Variants in FOCAD observed in about 807,000 individuals in gnomAD.
FOCAD encodes the protein KIAA1797.
Under a neutral mutation model 225.6 loss-of-function variants are expected in FOCAD, and 198 were observed. The observed-to-expected ratio is 0.88, with a 90% CI of 0.78 to 0.99. The LOEUF (loss-of-function observed/expected upper bound fraction) is 0.99, where lower values mean the gene tolerates loss of function less well. Among genes scored for constraint, FOCAD ranks in the 50% least tolerant of loss-of-function variants. The probability of loss-of-function intolerance (pLI) is 0.00; values close to 1 mark genes in which losing one functional copy is unlikely to be tolerated. For missense variants in FOCAD, 2,713 were observed against 2,123.6 expected, an observed-to-expected ratio of 1.28 and a Z score of -5.46; for synonymous variants, 897 against 755.0, an observed-to-expected ratio of 1.19 and a Z score of -3.08.
At chr9:20,776,071 G>A (rs1818725678) in intron 8 of FOCAD, among the ~76,000 whole-genome samples, 2 of 152,182 alleles carry the variant, frequency 1.3e-5, no homozygotes, top group African/African-American at 4.8e-5. Flanking sequence ...GACAAAAGGA[G>A]TGAAGTATGG....
chr9:20,981,293 T>C (rs1042913772), intron 37 of FOCAD, 133 bp from the exon 38 acceptor site: 1 of 1,053,080 alleles, frequency 9.5e-7, no homozygotes, highest in African/African-American at 1.6e-5. Flanking sequence ...TGTGGGAAAA[T>C]GAAGGGGGAA....
intron 2 of FOCAD, among the ~76,000 whole-genome samples, chr9:20,670,762 C>T (rs1184305365): frequency 2.6e-5 from 4 of 152,052 alleles, no homozygotes; most frequent in Admixed American, 2.0e-4. Flanking sequence ...AGTTAATTTG[C>T]CCAAGGTCAC....
At chr9:20,982,051 C>G (rs1017912246) in intron 38 of FOCAD, among the ~76,000 whole-genome samples, 3 of 152,114 alleles carry the variant, frequency 2.0e-5, no homozygotes, top group African/African-American at 7.2e-5. Flanking sequence ...AATTTAGCAT[C>G]GCCCTTCCCT....
intron 24 of FOCAD, among the ~76,000 whole-genome samples, chr9:20,918,756 T>A (rs997585403): frequency 6.6e-6 from 1 of 152,002 alleles, no homozygotes; most frequent in Admixed American, 6.5e-5. Flanking sequence ...AAGTATCTTA[T>A]AGACCTTATT....
At position 20,916,912 on chromosome 9, in the gene FOCAD, G is replaced by C; in HGVS notation, c.2827G>C (p.Asp943His). 3.7e-6 allele frequency: 6 copies of C among 1,605,676 alleles called. No individual in the cohort carries two copies. Among genetic ancestry groups the C allele is most frequent in the Non-Finnish European group, 5.1e-6 (6 of 1,177,120 alleles). ...AWLWVRDMLT[D>H]EITKAAAKES... is the part of the protein sequence containing the mutation. ...TTGCAGGGTTAGAGACATGCTGACT[G>C]ATGAGATCACCAAGGCAGCTGCAAA... is the stretch of plus-strand genomic sequence containing the variant. The change falls in exon 24 of 44, where the codon GAT becomes CAT. Residue 943 changes from aspartate (D) to histidine (H), a missense_variant. Asp to His is a moderately conservative substitution (Grantham distance 81). Coordinates refer to ENST00000338382, the MANE Select transcript of FOCAD (RefSeq NM_001375567.1).
At chr9:20,961,765 C>G (rs937193586) in intron 35 of FOCAD, among the ~76,000 whole-genome samples, 2 of 152,178 alleles carry the variant, frequency 1.3e-5, no homozygotes, top group Admixed American at 1.3e-4. Context: ...TCTCCTGTCC[C>G]TGCTGGACCA....
chr9:20,814,817 A>T (rs761022544), intron 11 of FOCAD, among the ~76,000 whole-genome samples: 1 of 152,098 alleles, frequency 6.6e-6, no homozygotes, highest in Non-Finnish European at 1.5e-5. Context: ...TATGTTACCA[A>T]TGTCACAAAT....
chr9:20,948,917 G>T lies in FOCAD; in HGVS notation c.3865G>T (p.Asp1289Tyr). The T allele has an allele frequency of 1.9e-6, 3 of 1,613,464 alleles. No homozygotes were observed. Among genetic ancestry groups the T allele is most frequent in the Non-Finnish European group, 2.5e-6 (3 of 1,179,482 alleles). The change falls in exon 32 of 44, where the codon GAT becomes TAT. Residue 1289 changes from aspartate to tyrosine, a missense_variant. Physicochemically the swap from Asp to Tyr is radical, Grantham distance 160. Transcript: ENST00000338382. Reference sequence around the variant, plus strand: ...GGTGGCCTTGGTAGGCTCTGAAGGGGATGTAATGCAGGTAAAGAAAGGAAC... The same window carrying T: ...GGTGGCCTTGGTAGGCTCTGAAGGGTATGTAATGCAGGTAAAGAAAGGAAC... Reference protein sequence around the residue: ...GMVALVGSEGDVMQLKSEAIQ... With the variant: ...GMVALVGSEGYVMQLKSEAIQ...
At chr9:20,847,540 C>T (rs1827240849) in intron 15 of FOCAD, among the ~76,000 whole-genome samples, 1 of 151,112 alleles carries the variant, frequency 6.6e-6, no homozygotes, top group African/African-American at 2.4e-5. Flanking sequence ...TGTGTAGTTA[C>T]CACCAGCCAT....
At chr9:20,942,520 T>C (rs1256490238) in intron 28 of FOCAD, among the ~76,000 whole-genome samples, 2 of 152,242 alleles carry the variant, frequency 1.3e-5, no homozygotes, top group Non-Finnish European at 2.9e-5. Context: ...GAATCTTGCA[T>C]GATACGTTCA....
chr9:20,939,161 A>AAAAAAAAAAAAAAAAAAAAAG (rs1564179288), intron 28 of FOCAD, among the ~76,000 whole-genome samples: 1 of 150,374 alleles, frequency 6.7e-6, no homozygotes, highest in African/African-American at 2.4e-5. Flanking sequence ...AAAAAAAAAA[A>AAAAAAAAAAAAAAAAAAAAAG]AAAAAAGAGT....
intron 22 of FOCAD, among the ~76,000 whole-genome samples, chr9:20,911,389 G>C (rs1833426291): frequency 6.6e-6 from 1 of 152,096 alleles, no homozygotes; most frequent in African/African-American, 2.4e-5. Context: ...AATAGTCCTT[G>C]ACCTCACAGG....
At chr9:20,860,629 C>G (rs531718108) in intron 15 of FOCAD, among the ~76,000 whole-genome samples, 8 of 152,236 alleles carry the variant, frequency 5.3e-5, no homozygotes, top group Admixed American at 3.3e-4. Flanking sequence ...CTCCTGGTTT[C>G]AAGCGATTTT....
chr9:20,880,456 C>T (rs980550606), intron 19 of FOCAD, among the ~76,000 whole-genome samples: 10 of 152,150 alleles, frequency 6.6e-5, no homozygotes, highest in African/African-American at 1.9e-4. Context: ...CTTTGATGTC[C>T]TGCCAGTGAC....
chr9:20,837,026 G>C (rs1238732877), intron 15 of FOCAD, among the ~76,000 whole-genome samples: 2 of 151,944 alleles, frequency 1.3e-5, no homozygotes, highest in Non-Finnish European at 2.9e-5. Flanking sequence ...CCTTTTCTCT[G>C]CTCTCTGCCC....
At position 20,694,138 on chromosome 9, in the gene FOCAD, G is replaced by A. The variant is rs769514454; in HGVS notation, c.-33+9845G>A. ...GCAATACCTTTCTTGATACTTAATAGCAACCTCTTCACTTTGAGTTGTAAA... is the reference window on the plus strand; with the variant it reads ...GCAATACCTTTCTTGATACTTAATAACAACCTCTTCACTTTGAGTTGTAAA... On this transcript the variant is annotated intron_variant, in intron 1 of 43. Coordinates refer to ENST00000338382, the MANE Select transcript of FOCAD (RefSeq NM_001375567.1). 5.1e-4 allele frequency among the ~76,000 whole-genome samples: 78 copies of A among 152,100 alleles called. 1 individual carries two copies. Among genetic ancestry groups the A allele is most frequent in the Non-Finnish European group, 1.0e-3 (68 of 68,022 alleles).
chr9:20,943,664 A>T lies in FOCAD; in HGVS notation c.3408-963A>T, dbSNP rs559005487. ...GTAGATGCTGTTTAAGAGCAAAATG[A>T]CCTAACATGTGGGCATTGAGATACA... On this transcript the variant is annotated intron_variant, in intron 28 of 43. Coordinates refer to ENST00000338382, the MANE Select transcript of FOCAD (RefSeq NM_001375567.1). 1.0e-3 allele frequency among the ~76,000 whole-genome samples: 152 copies of T among 152,218 alleles called. 2 individuals carry two copies. The highest frequency in any genetic ancestry group is 7.6e-3 in the Admixed American group (116 of 15,282).
intron 11 of FOCAD, among the ~76,000 whole-genome samples, chr9:20,815,025 A>G (rs750121126): frequency 4.0e-5 from 6 of 149,684 alleles, no homozygotes; most frequent in Non-Finnish European, 7.4e-5. Flanking sequence ...CTTCTGTTTC[A>G]CCTTGCAGGA....
chr9:20,802,103 C>T (rs1465442241), intron 11 of FOCAD, among the ~76,000 whole-genome samples: 2 of 152,064 alleles, frequency 1.3e-5, no homozygotes, highest in Non-Finnish European at 2.9e-5. Flanking sequence ...CTAAGTGGAG[C>T]CAGGCAGGTA....
Sources: gnomAD v4.1 joint callset for allele counts (sites outside exome capture counted in the v4.1 genomes callset) on GRCh38, gnomAD v4.1.1 for gene constraint, MANE v1.5 for transcripts, NCBI Gene and HGNC (gene_info 2026-07-23, HGNC 2026-07-21) for gene names.